Variants in SIPA1L1 observed in about 807,000 individuals in gnomAD.
The protein encoded by SIPA1L1 is signal-induced proliferation-associated 1-like protein 1.
Under a neutral mutation model 162.7 loss-of-function variants are expected in SIPA1L1, and 26 were observed. The ratio of observed to expected loss-of-function variants is 0.16; its 90% CI spans 0.12 to 0.22. SIPA1L1 has a LOEUF of 0.22. Among genes scored for constraint, SIPA1L1 ranks in the 10% least tolerant of loss-of-function variants. The pLI is 1.00. For missense variants in SIPA1L1, 1,874 were observed against 2,241.0 expected (o/e 0.84, Z 3.31); for synonymous variants, 829 against 837.4 (o/e 0.99, Z 0.17).
chr14:71,344,118 T>C (rs1288611216), intron 2 of SIPA1L1, among the ~76,000 whole-genome samples: 1 of 152,246 alleles, frequency 6.6e-6, no homozygotes, highest in Non-Finnish European at 1.5e-5. Flanking sequence ...TTTCATTTAA[T>C]GTTCATAGCA....
At chr14:71,515,785 A>G (rs1043666644) in intron 3 of SIPA1L1, among the ~76,000 whole-genome samples, 1 of 152,032 alleles carries the variant, frequency 6.6e-6, no homozygotes, top group Admixed American at 6.6e-5. Context: ...CTACACGCAC[A>G]TGCCACCAGG....
chr14:71,486,252 T>C (rs2048747562), intron 2 of SIPA1L1, among the ~76,000 whole-genome samples: 1 of 152,256 alleles, frequency 6.6e-6, no homozygotes, highest in Non-Finnish European at 1.5e-5. Context: ...TAGGAACAGC[T>C]ATCTGACTAT....
intron 2 of SIPA1L1, among the ~76,000 whole-genome samples, chr14:71,340,348 C>G (rs1312936344): frequency 3.3e-5 from 5 of 151,922 alleles, no homozygotes; most frequent in Admixed American, 3.3e-4. Context: ...TGGCCTGTCA[C>G]GGTGTCGGCC....
At chr14:71,618,524 A>G (rs1415109213) in intron 5 of SIPA1L1, among the ~76,000 whole-genome samples, 1 of 152,226 alleles carries the variant, frequency 6.6e-6, no homozygotes, top group Non-Finnish European at 1.5e-5. Context: ...AGTAATCTGT[A>G]GAGTAGTAAA....
chr14:71,594,571 A>G (rs960382791), intron 5 of SIPA1L1, among the ~76,000 whole-genome samples: 1 of 152,224 alleles, frequency 6.6e-6, no homozygotes, highest in Non-Finnish European at 1.5e-5. Context: ...GATTTCAGAT[A>G]AATGGTAAAC....
intron 12 of SIPA1L1, among the ~76,000 whole-genome samples, chr14:71,678,759 C>T (rs183288510): frequency 2.6e-4 from 39 of 151,626 alleles, no homozygotes; most frequent in Non-Finnish European, 3.2e-4. Context: ...GCTGTGAATC[C>T]GTCTGGTCCT....
intron 4 of SIPA1L1, among the ~76,000 whole-genome samples, chr14:71,549,304 A>G (rs1024991099): frequency 3.3e-5 from 5 of 151,812 alleles, no homozygotes; most frequent in Admixed American, 3.3e-4. Flanking sequence ...TCTAGGGAAG[A>G]GACTACCTTT....
chr14:71,357,086 C>G (rs2037349614), intron 2 of SIPA1L1, among the ~76,000 whole-genome samples: 1 of 152,084 alleles, frequency 6.6e-6, no homozygotes, highest in Non-Finnish European at 1.5e-5. Context: ...CAGGGTCTTA[C>G]TCTGGTCTCC....
Position 71,613,169 on chromosome 14 carries a change from A to AT in SIPA1L1, c.1499-5581dup, listed in dbSNP as rs573876327. 2.0e-4 allele frequency among the ~76,000 whole-genome samples: 31 copies of AT among 152,242 alleles called. No homozygotes were observed. In the South Asian group the frequency reaches 6.0e-3, roughly 30 times the overall value. On this transcript the variant is annotated intron_variant, in intron 5 of 23. Coordinates refer to ENST00000381232, the MANE Select transcript of SIPA1L1 (RefSeq NM_001386936.1). The stretch of plus-strand genomic sequence containing the variant: ...TTTAGGAACCAAGTTTTATTTAATG[A>AT]TTTTTTTATTCATAATAAAATTTTA...
intron 2 of SIPA1L1, among the ~76,000 whole-genome samples, chr14:71,341,369 A>G (rs1042806432): frequency 2.0e-4 from 30 of 152,180 alleles, no homozygotes; most frequent in African/African-American, 6.3e-4. Context: ...GGATTGTGCA[A>G]TTGTCATCTT....
intron 2 of SIPA1L1, among the ~76,000 whole-genome samples, chr14:71,403,228 A>G (rs141971533): frequency 4.0e-4 from 61 of 152,274 alleles, no homozygotes; most frequent in African/African-American, 1.4e-3. Context: ...GTACCAATTC[A>G]TATTCCTTCT....
intron 8 of SIPA1L1, among the ~76,000 whole-genome samples, chr14:71,653,202 T>C (rs1364759949): frequency 6.6e-6 from 1 of 152,188 alleles, no homozygotes; most frequent in Middle Eastern, 3.2e-3. Flanking sequence ...GCATGACTTT[T>C]CTTGCACCTC....
intron 2 of SIPA1L1, among the ~76,000 whole-genome samples, chr14:71,335,135 C>T (rs1316143173): frequency 6.6e-6 from 1 of 151,992 alleles, no homozygotes; most frequent in Middle Eastern, 3.2e-3. Flanking sequence ...CCCGTCTCTA[C>T]CAAAAATACA....
intron 2 of SIPA1L1, among the ~76,000 whole-genome samples, chr14:71,422,091 G>C (rs554406531): frequency 6.6e-6 from 1 of 152,138 alleles, no homozygotes; most frequent in Non-Finnish European, 1.5e-5. Flanking sequence ...ATATGAGGAC[G>C]TCTTTCAGTT....
At chr14:71,549,097 A>T (rs1211026613) in intron 4 of SIPA1L1, among the ~76,000 whole-genome samples, 1 of 152,204 alleles carries the variant, frequency 6.6e-6, no homozygotes, top group Non-Finnish European at 1.5e-5. Flanking sequence ...AGTTTAAAAT[A>T]ATTCAGCATT....
At chr14:71,545,773 T>C (rs2055133558) in intron 4 of SIPA1L1, among the ~76,000 whole-genome samples, 1 of 152,126 alleles carries the variant, frequency 6.6e-6, no homozygotes, top group Admixed American at 6.6e-5. Context: ...TTATTCCTGA[T>C]CTTAAGAAAA....
intron 2 of SIPA1L1, among the ~76,000 whole-genome samples, chr14:71,466,985 T>C (rs1464165273): frequency 6.6e-6 from 1 of 152,220 alleles, no homozygotes; most frequent in Non-Finnish European, 1.5e-5. Flanking sequence ...TTTAAATGAT[T>C]TTAGGGATAT....
intron 13 of SIPA1L1, among the ~76,000 whole-genome samples, chr14:71,693,896 T>G (rs1377398041): frequency 6.6e-6 from 1 of 152,190 alleles, no homozygotes; most frequent in East Asian, 1.9e-4. Context: ...TGCTGCTGTT[T>G]GAAGTGCTCT....
intron 2 of SIPA1L1, among the ~76,000 whole-genome samples, chr14:71,347,194 C>G (rs1026481324): frequency 2.0e-5 from 3 of 151,798 alleles, no homozygotes; most frequent in African/African-American, 4.8e-5. Flanking sequence ...CTCCTGACCT[C>G]AAGTGATCCA....
Sources: gnomAD v4.1 joint callset for allele counts (sites outside exome capture counted in the v4.1 genomes callset) on GRCh38, gnomAD v4.1.1 for gene constraint, MANE v1.5 for transcripts, NCBI Gene and HGNC (gene_info 2026-07-23, HGNC 2026-07-21) for gene names.